The following STK16 variants were observed in gnomAD, a reference collection of about 807,000 sequenced individuals.
STK16 encodes the protein serine/threonine kinase 16.
A neutral mutation model predicts 37.8 loss-of-function variants in STK16; 28 were observed. The observed-to-expected ratio is 0.74, with a 90% CI of 0.55 to 1.02. The LOEUF (loss-of-function observed/expected upper bound fraction) is 1.02. Among genes scored for constraint, STK16 ranks in the 50% least tolerant of loss-of-function variants. The probability of loss-of-function intolerance (pLI) is 0.00; values close to 1 mark genes in which losing one functional copy is unlikely to be tolerated. For synonymous variants in STK16, 134 were observed against 155.0 expected (o/e 0.86, Z 1.01); for missense variants, 349 against 390.6 (o/e 0.89, Z 0.90).
rs1951534709 is a variant in STK16, at chr2:219,246,561, A to G, written c.87-96A>G. The G allele has an allele frequency of 2.2e-6, 2 of 922,906 alleles. No individual in the cohort carries two copies. Among genetic ancestry groups the G allele is most frequent in the East Asian group, 5.1e-5 (2 of 39,154 alleles). The allele number at this position is 922,906 out of a possible 1,614,324, so 57.2% of individuals were successfully genotyped here. A position where few individuals can be genotyped will look rare whatever the true frequency, so the allele number is the denominator to read the frequency against. ...CACATCTTGGGAAGGTTTCTGCTAA[A>G]TGGGAAGGACACCCCACTCCCCACC... is the stretch of plus-strand genomic sequence containing the variant. On this transcript the variant is annotated intron_variant, in intron 2 of 7. Coordinates refer to ENST00000396738, the MANE Select transcript of STK16 (RefSeq NM_001330213.2). This position sits in a 1 kb window ranked among gnomAD's most constrained non-coding sequence, Gnocchi z 4.5.
rs1413811200 is a variant in STK16 at position 219,245,789 on chromosome 2, A to G, written c.-112A>G. 4.5e-6 allele frequency: 2 copies of G among 442,872 alleles called. No homozygotes were observed. The highest frequency in any genetic ancestry group is 4.1e-5 in the African/African-American group (2 of 48,700). The allele number at this position is 442,872 out of a possible 1,614,324, so 27.4% of individuals were successfully genotyped here. A position where few individuals can be genotyped will look rare whatever the true frequency, so the allele number is the denominator to read the frequency against. On this transcript the variant is annotated 5_prime_UTR_variant, in exon 1 of 8. Transcript: ENST00000396738. Reference sequence around the variant, plus strand: ...ACGGAGCAGGGCCTGTTTTCTCTACACTATAGTGTAGGTTCCAGAGACCTG... The same window carrying G: ...ACGGAGCAGGGCCTGTTTTCTCTACGCTATAGTGTAGGTTCCAGAGACCTG...
rs762749799 is a variant in STK16 at position 219,247,548 on chromosome 2, C to T, written c.561+13C>T. ...TCTGACCCTGCAGGTAAAAGAGTCT[C>T]CAGGTTCCTTTTCTCACCTGTTCCC... On this transcript the variant is annotated intron_variant, in intron 5 of 7. Transcript: ENST00000396738. 6 of 1,614,206 alleles carry T rather than the reference C, an allele frequency of 3.7e-6. No homozygotes were observed. The South Asian group carries it at 5.5e-5, about 15-fold the overall frequency.
At position 219,246,729 on chromosome 2, in the gene STK16, T is replaced by TCA; in HGVS notation, c.161_162dup (p.Glu55ThrfsTer32). ...TCTACGCCCTGAAGCGAATCCTGTG[T>TCA]CACGAGCAGCAGGACCGGGAGGAGG... On this transcript the variant is annotated frameshift_variant, in exon 3 of 8. Coordinates refer to ENST00000396738, the MANE Select transcript of STK16 (RefSeq NM_001330213.2). LOFTEE classifies it high-confidence loss of function. This position sits in a 1 kb window ranked among gnomAD's most constrained non-coding sequence, Gnocchi z 4.5. The TCA allele has an allele frequency of 6.2e-7, 1 of 1,614,176 alleles. No individual in the cohort carries two copies. The highest frequency in any genetic ancestry group is 8.5e-7 in the Non-Finnish European group (1 of 1,180,022).
chr2:219,246,608 G>A lies in STK16; in HGVS notation c.87-49G>A, dbSNP rs1186594416. On this transcript the variant is annotated intron_variant, in intron 2 of 7. Coordinates refer to ENST00000396738, the MANE Select transcript of STK16 (RefSeq NM_001330213.2). The surrounding 1 kb of genome is among the most constrained non-coding windows in gnomAD (Gnocchi z 4.5). Reference sequence around the variant, plus strand: ...CACCAGGAAATTTCTCTAGGTCCAAGCCATGTGGGAGATGACCATGGCCCT... The same window carrying A: ...CACCAGGAAATTTCTCTAGGTCCAAACCATGTGGGAGATGACCATGGCCCT... The A allele has an allele frequency of 1.3e-6, 2 of 1,519,106 alleles. No individual in the cohort carries two copies. Among genetic ancestry groups the A allele is most frequent in the Non-Finnish European group, 1.8e-6 (2 of 1,095,322 alleles). The allele number at this position is 1,519,106 out of a possible 1,614,324, so 94.1% of individuals were successfully genotyped here.
chr2:219,246,522 AT>A lies in STK16; in HGVS notation c.87-132del. 2 of 739,290 alleles carry A rather than the reference AT, an allele frequency of 2.7e-6. No homozygotes were observed. Among genetic ancestry groups the A allele is most frequent in the Non-Finnish European group, 4.9e-6 (2 of 405,590 alleles). The allele number at this position is 739,290 out of a possible 1,614,324, so 45.8% of individuals were successfully genotyped here. On this transcript the variant is annotated intron_variant, in intron 2 of 7. Transcript: ENST00000396738. This position sits in a 1 kb window ranked among gnomAD's most constrained non-coding sequence, Gnocchi z 4.5. ...GAGCTCACGGTGTAATATTCTTCAG[AT>A]TTCTCTTAGAGCCACATCTTGGGAA... is the stretch of plus-strand genomic sequence containing the variant.
chr2:219,245,503 T>C lies in STK16; in HGVS notation c.-398T>C, dbSNP rs1245496373. 1 of 152,972 alleles carries C rather than the reference T, an allele frequency of 6.5e-6. No homozygotes were observed. The highest frequency in any genetic ancestry group is 1.5e-5 in the Non-Finnish European group (1 of 68,264). The allele number at this position is 152,972 out of a possible 1,614,324, so 9.5% of individuals were successfully genotyped here. ...CAGCACTGCTTCCGGTCGGTGGCGC[T>C]TCTCTCTGGCCCGAGCCAGGTCAGT... On this transcript the variant is annotated 5_prime_UTR_variant, in exon 1 of 8. Coordinates refer to ENST00000396738, the MANE Select transcript of STK16 (RefSeq NM_001330213.2).
rs769251333 is a variant in STK16, at chr2:219,246,636, A to T, written c.87-21A>T. On this transcript the variant is annotated intron_variant, in intron 2 of 7. Coordinates refer to ENST00000396738, the MANE Select transcript of STK16 (RefSeq NM_001330213.2). This position sits in a 1 kb window ranked among gnomAD's most constrained non-coding sequence, Gnocchi z 4.5. ...ATGTGGGAGATGACCATGGCCCTTT[A>T]TTGACCCCTTTGGCCCACAGTGGGT... 1 of 1,606,128 alleles carries T rather than the reference A, an allele frequency of 6.2e-7. No individual in the cohort carries two copies. The highest frequency in any genetic ancestry group is 8.5e-7 in the Non-Finnish European group (1 of 1,172,874).
At position 219,250,283 on chromosome 2, in the gene STK16, G is replaced by A. The variant is rs1951623854; in HGVS notation, c.*1724G>A. 21 of 1,542,272 alleles carry A rather than the reference G, an allele frequency of 1.4e-5. 1 individual carries two copies. The highest frequency in any genetic ancestry group is 1.1e-4 in the South Asian group (9 of 78,998). On this transcript the variant is annotated 3_prime_UTR_variant, in exon 8 of 8. Coordinates refer to ENST00000396738, the MANE Select transcript of STK16 (RefSeq NM_001330213.2). This position sits in a 1 kb window ranked among gnomAD's most constrained non-coding sequence, Gnocchi z 8.4. The stretch of plus-strand genomic sequence containing the variant: ...AAGCACTCAGAGGGAACAAGAAACC[G>A]TGCAAGGAAACTGTTTATTTCGAAA...
chr2:219,247,243 AC>A lies in STK16; in HGVS notation c.438del (p.His146GlnfsTer4). 6.2e-7 allele frequency: 1 copy of A among 1,614,208 alleles called. No individual in the cohort carries two copies. The highest frequency in any genetic ancestry group is 8.5e-7 in the Non-Finnish European group (1 of 1,180,038). On this transcript the variant is annotated frameshift_variant and splice_region_variant, in exon 4 of 8. Transcript: ENST00000396738. LOFTEE classifies it high-confidence loss of function. ...LEAIHAKGYA[H>X]RDLKPTNILL... Reference sequence around the variant, plus strand: ...GCCATTCATGCCAAGGGTTATGCCCACAGGTCAGTGGGAGGACCCTGTGTGC... The same window carrying A: ...GCCATTCATGCCAAGGGTTATGCCCAAGGTCAGTGGGAGGACCCTGTGTGC...
At chr2:219,247,357 C>A in intron 4 of STK16, 58 bp from the exon 5 acceptor site, 1 of 1,609,554 alleles carries the variant, frequency 6.2e-7, no homozygotes, top group Non-Finnish European at 8.5e-7. Flanking sequence ...CTTTTGCTTG[C>A]TGGGATTCCA....
intron 6 of STK16, 48 bp downstream of exon 6, chr2:219,247,805 G>C: frequency 6.6e-7 from 1 of 1,525,584 alleles, no homozygotes; most frequent in Non-Finnish European, 8.9e-7. Context: ...CTGTGGCTCT[G>C]TACCCACCGT....
Position 219,248,604 on chromosome 2 carries a change from G to C in STK16, c.*45G>C, listed in dbSNP as rs755710606. On this transcript the variant is annotated 3_prime_UTR_variant, in exon 8 of 8. Transcript: ENST00000396738. ...GATGGCCCCTTGTGCCTTGGAAAGA[G>C]GTTCCCATCCCTCATTGGAATCACC... The C allele has an allele frequency of 6.4e-7, 1 of 1,566,414 alleles. No individual in the cohort carries two copies. Among genetic ancestry groups the C allele is most frequent in the Non-Finnish European group, 8.7e-7 (1 of 1,155,376 alleles).
Position 219,246,337 on chromosome 2 carries a change from G to T in STK16, c.86+252G>T. ...ATTATTATCCCTCACTGATGGAGTT[G>T]TGAGGATTAAATGAGATAATGTGTA... is the stretch of plus-strand genomic sequence containing the variant. On this transcript the variant is annotated intron_variant, in intron 2 of 7. Transcript: ENST00000396738. This position sits in a 1 kb window ranked among gnomAD's most constrained non-coding sequence, Gnocchi z 4.5. 1.7e-6 allele frequency: 1 copy of T among 603,482 alleles called. No individual in the cohort carries two copies. Among genetic ancestry groups the T allele is most frequent in the African/African-American group, 1.9e-5 (1 of 53,880 alleles). The allele number at this position is 603,482 out of a possible 1,614,324, so 37.4% of individuals were successfully genotyped here.
Position 219,247,103 on chromosome 2 carries a change from T to C in STK16, c.307-10T>C. On this transcript the variant is annotated splice_polypyrimidine_tract_variant and intron_variant, in intron 3 of 7. Transcript: ENST00000396738. ...AAACATCTCCAACTGTAGGGAAACT[T>C]GTGTTGCAGAGAGGTACGCTGTGGA... is the stretch of plus-strand genomic sequence containing the variant. The C allele has an allele frequency of 6.2e-7, 1 of 1,614,000 alleles. No homozygotes were observed. Among genetic ancestry groups the C allele is most frequent in the Non-Finnish European group, 8.5e-7 (1 of 1,179,968 alleles).
At position 219,246,750 on chromosome 2, in the gene STK16, G is replaced by C; in HGVS notation, c.180G>C (p.Glu60Asp). 6.2e-7 allele frequency: 1 copy of C among 1,614,238 alleles called. No homozygotes were observed. Among genetic ancestry groups the C allele is most frequent in the Non-Finnish European group, 8.5e-7 (1 of 1,180,046 alleles). ...TGTGTCACGAGCAGCAGGACCGGGA[G>C]GAGGCCCAGCGAGAAGCCGACATGC... Reference protein sequence around the residue: ...RILCHEQQDREEAQREADMHR... With the variant: ...RILCHEQQDRDEAQREADMHR... Residue 60 changes from glutamate to aspartate, a missense_variant, in exon 3 of 8, where the codon GAG (glutamate) becomes GAC (aspartate). Coordinates refer to ENST00000396738, the MANE Select transcript of STK16 (RefSeq NM_001330213.2). The surrounding 1 kb of genome is among the most constrained non-coding windows in gnomAD (Gnocchi z 4.5).
chr2:219,250,229 C>T lies in STK16; in HGVS notation c.*1670C>T. The T allele has an allele frequency of 2.2e-6, 3 of 1,364,464 alleles. No homozygotes were observed. Among genetic ancestry groups the T allele is most frequent in the Non-Finnish European group, 3.0e-6 (3 of 993,444 alleles). 84.5% of individuals were successfully genotyped at this position (1,364,464 alleles called of 1,614,324 possible). On this transcript the variant is annotated 3_prime_UTR_variant, in exon 8 of 8. Transcript: ENST00000396738. This position sits in a 1 kb window ranked among gnomAD's most constrained non-coding sequence, Gnocchi z 8.4. The stretch of plus-strand genomic sequence containing the variant: ...TCATGAACAGCAAACAGAGCAGCAG[C>T]AGCATGAAGGGGAAGGCAGCAGAAG...
At chr2:219,248,400 C>T (rs1203622038) in intron 7 of STK16, 21 bp from the exon 8 acceptor site, 2 of 1,612,992 alleles carry the variant, frequency 1.2e-6, no homozygotes, top group Admixed American at 1.7e-5. Flanking sequence ...ATCCGGTCAC[C>T]CTGGGCTCCT....
chr2:219,246,530 T>G lies in STK16; in HGVS notation c.87-127T>G, dbSNP rs1435427062. 5 of 755,242 alleles carry G rather than the reference T, an allele frequency of 6.6e-6. No homozygotes were observed. In the East Asian group the frequency reaches 1.3e-4, roughly 20 times the overall value. 46.8% of individuals were successfully genotyped at this position (755,242 alleles called of 1,614,324 possible). ...GGTGTAATATTCTTCAGATTTCTCT[T>G]AGAGCCACATCTTGGGAAGGTTTCT... On this transcript the variant is annotated intron_variant, in intron 2 of 7. Transcript: ENST00000396738. The surrounding 1 kb of genome is among the most constrained non-coding windows in gnomAD (Gnocchi z 4.5).
rs1951525332 is a variant in STK16, at chr2:219,246,162, C to A, written c.86+77C>A. On this transcript the variant is annotated intron_variant, in intron 2 of 7. Transcript: ENST00000396738. The surrounding 1 kb of genome is among the most constrained non-coding windows in gnomAD (Gnocchi z 4.5). ...GACAGCGGTGTGCATATGCTTGGGG[C>A]ACAAGGGTTTTATCCCTATCCCTGT... 2.3e-6 allele frequency: 3 copies of A among 1,307,270 alleles called. No homozygotes were observed. The highest frequency in any genetic ancestry group is 3.3e-6 in the Non-Finnish European group (3 of 918,910). The allele number at this position is 1,307,270 out of a possible 1,614,324, so 81.0% of individuals were successfully genotyped here.
Sources: allele counts gnomAD v4.1 joint callset, GRCh38; gene constraint gnomAD v4.1.1; non-coding constraint Gnocchi (gnomAD v3.1); transcripts MANE v1.5; gene names NCBI Gene and HGNC (gene_info 2026-07-23, HGNC 2026-07-21).